Variants in CSMD1 observed in about 807,000 individuals in gnomAD.
CSMD1 encodes CUB and sushi domain-containing protein 1.
In CSMD1, 213 loss-of-function variants were observed where a neutral mutation model predicts 417.5. The ratio of observed to expected loss-of-function variants is 0.51; its 90% CI spans 0.46 to 0.57. The LOEUF (loss-of-function observed/expected upper bound fraction) is 0.57, where lower values mean the gene tolerates loss of function less well. Ranked by LOEUF, CSMD1 falls within the 20% of genes least tolerant of loss-of-function variation. CSMD1 has a pLI of 0.00. For missense variants in CSMD1, 6,923 were observed against 4,529.7 expected (o/e 1.53, Z -15.17); for synonymous variants, 2,862 against 1,736.8 (o/e 1.65, Z -16.11).
chr8:3,279,973 G>A (rs1034339016), intron 26 of CSMD1, among the ~76,000 whole-genome samples: 1 of 152,188 alleles, frequency 6.6e-6, no homozygotes, highest in African/African-American at 2.4e-5. Flanking sequence ...ACCGTATCAG[G>A]AAGGTTACTT....
intron 1 of CSMD1, among the ~76,000 whole-genome samples, chr8:4,752,769 G>A (rs1294620770): frequency 6.6e-6 from 1 of 152,148 alleles, no homozygotes; most frequent in Admixed American, 6.5e-5. Flanking sequence ...CAAAAGTGAG[G>A]TATTGCAGAC....
intron 2 of CSMD1, among the ~76,000 whole-genome samples, chr8:4,560,079 G>C (rs1029069112): frequency 6.6e-6 from 1 of 152,214 alleles, no homozygotes; most frequent in Non-Finnish European, 1.5e-5. Context: ...TATCCACAGA[G>C]GCCTCGTGCT....
At chr8:4,602,863 T>C (rs962270725) in intron 2 of CSMD1, among the ~76,000 whole-genome samples, 1 of 151,940 alleles carries the variant, frequency 6.6e-6, no homozygotes, top group Non-Finnish European at 1.5e-5. Flanking sequence ...AAATCTTTTA[T>C]TATAATTATA....
At chr8:3,155,777 T>A (rs75203110) in intron 39 of CSMD1, among the ~76,000 whole-genome samples, 1,764 of 152,272 alleles carry the variant, frequency 0.012, 39 homozygotes, top group African/African-American at 0.04. Context: ...GATACTGTCC[T>A]CTAAGGTATA....
intron 26 of CSMD1, among the ~76,000 whole-genome samples, chr8:3,233,356 A>G (rs2116924292): frequency 6.6e-6 from 1 of 152,322 alleles, no homozygotes; most frequent in African/African-American, 2.4e-5. Flanking sequence ...CGATGCCTGC[A>G]CACGTTAGGA....
At chr8:3,225,785 C>G (rs776453154) in intron 27 of CSMD1, among the ~76,000 whole-genome samples, 5 of 152,194 alleles carry the variant, frequency 3.3e-5, no homozygotes, top group African/African-American at 9.7e-5. Flanking sequence ...CTGCCTGGCC[C>G]TGTTTGTTCT....
At chr8:3,261,743 G>C (rs927813893) in intron 26 of CSMD1, among the ~76,000 whole-genome samples, 2 of 152,242 alleles carry the variant, frequency 1.3e-5, no homozygotes, top group East Asian at 1.9e-4. Context: ...GAAGAGGCCA[G>C]TCCGAGAGAC....
At chr8:3,943,547 CA>C (rs1447481070) in intron 5 of CSMD1, among the ~76,000 whole-genome samples, 2 of 151,262 alleles carry the variant, frequency 1.3e-5, no homozygotes, top group South Asian at 2.1e-4. Context: ...AAGAATCTCT[CA>C]AAAAATATGT....
intron 3 of CSMD1, among the ~76,000 whole-genome samples, chr8:4,183,542 A>G (rs17069234): frequency 0.055 from 8,396 of 152,294 alleles, 316 homozygotes; most frequent in African/African-American, 0.096. Context: ...TTGTAATATG[A>G]TAAGTCAGAG....
At chr8:3,127,785 T>C (rs1261652235) in intron 41 of CSMD1, 1 of 151,680 alleles carries the variant, frequency 6.6e-6, no homozygotes, top group Non-Finnish European at 1.5e-5. Context: ...AAAAAGTTTA[T>C]GCATTAGAAT....
chr8:3,338,107 A>G (rs1018065658), intron 23 of CSMD1, among the ~76,000 whole-genome samples: 1 of 152,242 alleles, frequency 6.6e-6, no homozygotes, highest in East Asian at 1.9e-4. Context: ...ATGCAAATAC[A>G]AAAGGACCCC....
chr8:4,954,905 C>T (rs1166946019), intron 1 of CSMD1, among the ~76,000 whole-genome samples: 3 of 152,172 alleles, frequency 2.0e-5, no homozygotes, highest in African/African-American at 7.2e-5. Context: ...TTTCAAAATA[C>T]CTGATTGAAA....
rs190021385 is a variant in CSMD1 at position 4,138,352 on chromosome 8, G to T, written c.416-106253C>A. On this transcript the variant is annotated intron_variant, in intron 3 of 69. Coordinates refer to ENST00000635120, the MANE Select transcript of CSMD1 (RefSeq NM_033225.6). Reference sequence around the variant, plus strand: ...ACATTTGAGTTGTGGCAAAGCTGGGGCAAGGAGTCAGTGTTCTGATACCTG... The same window carrying T: ...ACATTTGAGTTGTGGCAAAGCTGGGTCAAGGAGTCAGTGTTCTGATACCTG... Among the ~76,000 whole-genome samples, 82 of 151,662 alleles carry T rather than the reference G, an allele frequency of 5.4e-4. 2 individuals are homozygous for T. The highest frequency in any genetic ancestry group is 4.8e-3 in the East Asian group (24 of 5,010).
chr8:4,616,786 G>A (rs1001374581), intron 2 of CSMD1, among the ~76,000 whole-genome samples: 1 of 152,100 alleles, frequency 6.6e-6, no homozygotes, highest in Non-Finnish European at 1.5e-5. Flanking sequence ...TTCCTTATTT[G>A]TAGAATCCAG....
intron 41 of CSMD1, among the ~76,000 whole-genome samples, chr8:3,139,421 G>C (rs145804586): frequency 6.6e-6 from 1 of 152,176 alleles, no homozygotes; most frequent in African/African-American, 2.4e-5. Context: ...CAAGGGAAAA[G>C]GGCGTCAAGA....
intron 23 of CSMD1, among the ~76,000 whole-genome samples, chr8:3,308,732 G>GTGTTTTTTTTTTTTT (rs1805090018): frequency 5.5e-5 from 6 of 108,932 alleles, no homozygotes; most frequent in African/African-American, 2.2e-4. Flanking sequence ...CTACTTACAA[G>GTGTTTTTTTTTTTTT]TTTTTTTTTT....
At chr8:3,059,739 G>C (rs1812466033) in intron 49 of CSMD1, among the ~76,000 whole-genome samples, 4 of 152,146 alleles carry the variant, frequency 2.6e-5, no homozygotes, top group Admixed American at 2.6e-4. Context: ...ACTGGGGGAG[G>C]GGAAAGATGT....
intron 3 of CSMD1, among the ~76,000 whole-genome samples, chr8:4,068,568 C>T (rs1438568102): frequency 2.0e-5 from 3 of 152,148 alleles, no homozygotes; most frequent in Non-Finnish European, 4.4e-5. Flanking sequence ...GCCACTGGAC[C>T]TTCTCAAATG....
At chr8:4,193,541 C>T (rs530207700) in intron 3 of CSMD1, among the ~76,000 whole-genome samples, 2 of 152,026 alleles carry the variant, frequency 1.3e-5, no homozygotes, top group African/African-American at 2.4e-5. Flanking sequence ...CTGAAGAGGT[C>T]TGAGTCACAA....
Sources: allele counts gnomAD v4.1 joint callset (sites outside exome capture counted in the v4.1 genomes callset), GRCh38; gene constraint gnomAD v4.1.1; transcripts MANE v1.5; gene names NCBI Gene and HGNC (gene_info 2026-07-23, HGNC 2026-07-21).